PLCD4: variants seen among roughly 807,000 people sequenced by gnomAD.
PLCD4 encodes phospholipase C delta 4.
A neutral mutation model predicts 90.2 loss-of-function variants in PLCD4; 63 were observed. The ratio of observed to expected loss-of-function variants is 0.70; its 90% CI spans 0.57 to 0.86. The LOEUF (loss-of-function observed/expected upper bound fraction) is 0.86, where lower values mean the gene tolerates loss of function less well. Ranked by LOEUF, PLCD4 falls within the 40% of genes least tolerant of loss-of-function variation. The pLI is 0.00. For synonymous variants in PLCD4, 294 were observed against 356.5 expected, an observed-to-expected ratio of 0.82 and a Z score of 1.97; for missense variants, 830 against 956.3, an observed-to-expected ratio of 0.87 and a Z score of 1.74.
chr2:218,617,868 C>T (rs944704654), intron 3 of PLCD4, among the ~76,000 whole-genome samples: 3 of 152,044 alleles, frequency 2.0e-5, no homozygotes, highest in South Asian at 4.1e-4. Context: ...GGGTGGATCA[C>T]GAGGTCAGGA....
intron 4 of PLCD4, among the ~76,000 whole-genome samples, chr2:218,619,266 C>CATATATATAT (rs3074252): frequency 3.9e-4 from 57 of 146,720 alleles, no homozygotes; most frequent in African/African-American, 1.4e-3. Context: ...TATAGGGGTA[C>CATATATATAT]ATATATATAT....
chr2:218,615,815 G>T, intron 2 of PLCD4, 54 bp downstream of exon 2: 2 of 1,601,608 alleles, frequency 1.2e-6, no homozygotes, highest in South Asian at 2.2e-5. Context: ...GCTCAGGGAA[G>T]GGAAGGAGGT....
chr2:218,629,864 A>G (rs1696284395), intron 8 of PLCD4, among the ~76,000 whole-genome samples: 1 of 152,150 alleles, frequency 6.6e-6, no homozygotes, highest in Non-Finnish European at 1.5e-5. Flanking sequence ...TATGGAGGTA[A>G]TTACTTATGG....
intron 1 of PLCD4, among the ~76,000 whole-genome samples, chr2:218,612,360 T>G (rs1006842537): frequency 6.6e-6 from 1 of 152,208 alleles, no homozygotes; most frequent in Non-Finnish European, 1.5e-5. Context: ...CTGGTCTCCT[T>G]CAGGCACACA....
chr2:218,621,670 C>T lies in PLCD4; in HGVS notation c.540+71C>T, dbSNP rs1695885839. On this transcript the variant is annotated intron_variant, in intron 5 of 15. Transcript: ENST00000450993. ...TTCATTTGGCCAGAAGTCCTCTGAC[C>T]CCAGTCCACAACACTCAATTGTTAA... 13 of 1,575,310 alleles carry T rather than the reference C, an allele frequency of 8.3e-6. No individual in the cohort carries two copies. The East Asian group carries it at 1.3e-4, about 16-fold the overall frequency.
At position 218,632,018 on chromosome 2, in the gene PLCD4, C is replaced by T. The variant is rs556525656; in HGVS notation, c.1273-118C>T. ...GTATCAAGCAGCTAATCTCTTCCCTCGGGAACTTCCGACCACTCACTCACT... is the reference window on the plus strand; with the variant it reads ...GTATCAAGCAGCTAATCTCTTCCCTTGGGAACTTCCGACCACTCACTCACT... On this transcript the variant is annotated intron_variant, in intron 9 of 15. Coordinates refer to ENST00000450993, the MANE Select transcript of PLCD4 (RefSeq NM_032726.4). 303 of 1,088,456 alleles carry T rather than the reference C, an allele frequency of 2.8e-4. No individual in the cohort carries two copies. The African/African-American group carries it at 4.1e-3, about 15-fold the overall frequency. 67.4% of individuals were successfully genotyped at this position (1,088,456 alleles called of 1,614,324 possible).
At chr2:218,618,262 T>C (rs1032057393) in intron 3 of PLCD4, among the ~76,000 whole-genome samples, 1 of 152,260 alleles carries the variant, frequency 6.6e-6, no homozygotes, top group African/African-American at 2.4e-5. Context: ...CTATCCATTG[T>C]ATCAGATGAG....
chr2:218,633,872 AGGAGT>A, intron 11 of PLCD4, 111 bp downstream of exon 11: 6 of 1,369,068 alleles, frequency 4.4e-6, no homozygotes, highest in Non-Finnish European at 6.1e-6. Context: ...GGAGAGATGA[AGGAGT>A]TCAGAAACTC....
intron 1 of PLCD4, 25 bp from the exon 2 acceptor site, chr2:218,615,682 C>T (rs991946163): frequency 1.8e-5 from 27 of 1,534,254 alleles, no homozygotes; most frequent in East Asian, 2.3e-5. Context: ...CACCCAGAGC[C>T]CTTTGCTCTT....
Position 218,637,015 on chromosome 2 carries a change from A to G in PLCD4, c.*438A>G, listed in dbSNP as rs1012706756. On this transcript the variant is annotated 3_prime_UTR_variant, in exon 16 of 16. Transcript: ENST00000450993. ...TTCCTCAAAGCCCAAAGCCAAGGGA[A>G]GGATAAATCAAGGCTCAAGGCTTCC... The G allele has an allele frequency of 2.3e-6, 1 of 431,290 alleles. No individual in the cohort carries two copies. Among genetic ancestry groups the G allele is most frequent in the Non-Finnish European group, 4.6e-6 (1 of 216,258 alleles). 26.7% of individuals were successfully genotyped at this position (431,290 alleles called of 1,614,324 possible). A position where few individuals can be genotyped will look rare whatever the true frequency, so the allele number is the denominator to read the frequency against.
chr2:218,616,927 T>G lies in PLCD4; in HGVS notation c.181+865T>G, dbSNP rs867818853. On this transcript the variant is annotated intron_variant, in intron 3 of 15. Transcript: ENST00000450993. ...ATATATATATATATATATATATATA[T>G]AGAGAGAGAGAGAGAGAGAGAGAGA... Among the ~76,000 whole-genome samples the G allele has an allele frequency of 5.3e-3, 73 of 13,764 alleles. 1 individual carries two copies. Among genetic ancestry groups the G allele is most frequent in the African/African-American group, 0.014 (50 of 3,474 alleles). 9.0% of individuals were successfully genotyped at this position (13,764 alleles called of 152,430 possible).
chr2:218,621,992 A>G (rs1695901358), intron 5 of PLCD4, among the ~76,000 whole-genome samples: 1 of 148,796 alleles, frequency 6.7e-6, no homozygotes, highest in African/African-American at 2.5e-5. Context: ...AGGCAGGAGA[A>G]TGGTGTGAAC....
intron 1 of PLCD4, among the ~76,000 whole-genome samples, chr2:218,608,949 T>A (rs1383130401): frequency 2.6e-5 from 4 of 151,800 alleles, no homozygotes; most frequent in Non-Finnish European, 5.9e-5. Flanking sequence ...CCATCCTGGC[T>A]AACATGGTGA....
At chr2:218,618,437 A>G (rs1385950460) in intron 3 of PLCD4, 142 bp from the exon 4 acceptor site, 1 of 685,400 alleles carries the variant, frequency 1.5e-6, no homozygotes, top group Non-Finnish European at 2.5e-6. Context: ...CTCTGTACTA[A>G]TGCTTTTTGG....
chr2:218,633,298 A>G, intron 10 of PLCD4: 1 of 686,436 alleles, frequency 1.5e-6, no homozygotes, highest in Non-Finnish European at 2.7e-6. Context: ...GTCACCCAGG[A>G]TATAACATAG....
At position 218,618,722 on chromosome 2, in the gene PLCD4, G is replaced by A; in HGVS notation, c.325G>A (p.Val109Ile). Reference sequence around the variant, plus strand: ...CAACCTGGACCTGATGGCCAACAGTGTTGAGGAGGCCCAGATATGGATGCG... The same window carrying A: ...CAACCTGGACCTGATGGCCAACAGTATTGAGGAGGCCCAGATATGGATGCG... ...RSNLDLMANS[V>I]EEAQIWMRGL... is the part of the protein sequence containing the mutation. The change falls in exon 4 of 16, where the codon GTT becomes ATT. Residue 109 changes from valine to isoleucine, a missense_variant. Coordinates refer to ENST00000450993, the MANE Select transcript of PLCD4 (RefSeq NM_032726.4). 1 of 1,613,186 alleles carries A rather than the reference G, an allele frequency of 6.2e-7. No homozygotes were observed. Among genetic ancestry groups the A allele is most frequent in the Non-Finnish European group, 8.5e-7 (1 of 1,179,598 alleles).
Position 218,635,847 on chromosome 2 carries a change from A to G in PLCD4, c.1948A>G (p.Ile650Val). Residue 650 changes from isoleucine (I) to valine (V), a missense_variant, in exon 14 of 16, where the codon ATT becomes GTT. By Grantham distance (29) the Ile-to-Val change is conservative. Coordinates refer to ENST00000450993, the MANE Select transcript of PLCD4 (RefSeq NM_032726.4). Reference sequence around the variant, plus strand: ...AGTGGACAAGACCAAAGAGGGGTCCATTGTGGATCCACTGGTGAAAGTGCA... The same window carrying G: ...AGTGGACAAGACCAAAGAGGGGTCCGTTGTGGATCCACTGGTGAAAGTGCA... ...PKVDKTKEGSIVDPLVKVQIF... is the reference protein window; with the variant it reads ...PKVDKTKEGSVVDPLVKVQIF... The G allele has an allele frequency of 6.2e-7, 1 of 1,613,966 alleles. No homozygotes were observed. The highest frequency in any genetic ancestry group is 8.5e-7 in the Non-Finnish European group (1 of 1,179,876).
chr2:218,626,353 G>C (rs1696120560), intron 6 of PLCD4, among the ~76,000 whole-genome samples: 2 of 152,070 alleles, frequency 1.3e-5, no homozygotes, highest in Middle Eastern at 3.2e-3. Context: ...AGCTGGCCAT[G>C]AGAGTCATGT....
At chr2:218,633,123 ACT>A in intron 10 of PLCD4, 1 of 465,284 alleles carries the variant, frequency 2.1e-6, no homozygotes, top group Non-Finnish European at 3.8e-6. Flanking sequence ...TTACTCTGGG[ACT>A]CTCACATCCT....
Sources: gnomAD v4.1 joint callset for allele counts (sites outside exome capture counted in the v4.1 genomes callset) on GRCh38, gnomAD v4.1.1 for gene constraint, MANE v1.5 for transcripts, NCBI Gene and HGNC (gene_info 2026-07-23, HGNC 2026-07-21) for gene names.